The following PHACTR1 variants were observed in gnomAD, a reference collection of about 807,000 sequenced individuals.
PHACTR1 encodes phosphatase and actin regulator 1.
Under a neutral mutation model 69.2 loss-of-function variants are expected in PHACTR1, and 16 were observed. That is an observed-to-expected ratio of 0.23 (90% CI 0.16 to 0.35). The LOEUF (loss-of-function observed/expected upper bound fraction) is 0.35. Ranked by LOEUF, PHACTR1 falls within the 10% of genes least tolerant of loss-of-function variation. The pLI is 1.00. For synonymous variants in PHACTR1, 312 were observed against 284.5 expected, an observed-to-expected ratio of 1.10 and a Z score of -0.97; for missense variants, 510 against 734.7, an observed-to-expected ratio of 0.69 and a Z score of 3.54.
chr6:12,864,941 G>A (rs574155441), intron 4 of PHACTR1, among the ~76,000 whole-genome samples: 8 of 151,962 alleles, frequency 5.3e-5, no homozygotes, highest in Admixed American at 4.6e-4. Flanking sequence ...GGCCCTAATC[G>A]ACTGTTCTTC....
intron 11 of PHACTR1, 130 bp from the exon 12 acceptor site, chr6:13,278,138 G>A (rs769447322): frequency 1.4e-5 from 11 of 776,158 alleles, no homozygotes; most frequent in Non-Finnish European, 2.0e-5. Context: ...AGCTGGGGGA[G>A]GGGACAGGAG....
chr6:12,771,832 C>A (rs977855862), intron 4 of PHACTR1, among the ~76,000 whole-genome samples: 1 of 152,126 alleles, frequency 6.6e-6, no homozygotes, highest in Non-Finnish European at 1.5e-5. Context: ...GCCACTACAA[C>A]TCTGGGGAGG....
intron 4 of PHACTR1, among the ~76,000 whole-genome samples, chr6:12,801,658 G>A (rs1312959519): frequency 6.6e-6 from 1 of 152,186 alleles, no homozygotes; most frequent in African/African-American, 2.4e-5. Flanking sequence ...TTTTAAAGCT[G>A]TAAGGCATCT....
At position 13,160,174 on chromosome 6, in the gene PHACTR1, T is replaced by C. The variant is rs375335933; in HGVS notation, c.416-30T>C. 796 of 1,595,178 alleles carry C rather than the reference T, an allele frequency of 5.0e-4. 8 individuals carry two copies. In the South Asian group the frequency reaches 5.5e-3, roughly 11 times the overall value. ...AAGACAACTTTGTTACCTACTCACA[T>C]CTGCCTCCCTGTTTGTCTTTTGTTT... is the stretch of plus-strand genomic sequence containing the variant. On this transcript the variant is annotated intron_variant, in intron 5 of 14. Transcript: ENST00000332995.
intron 8 of PHACTR1, among the ~76,000 whole-genome samples, chr6:13,216,252 T>G (rs186610681): frequency 3.1e-4 from 47 of 152,382 alleles, no homozygotes; most frequent in African/African-American, 1.0e-3. Flanking sequence ...CAATTACTTT[T>G]CTTCATGTTG....
At chr6:12,946,854 T>A (rs1254009110) in intron 4 of PHACTR1, among the ~76,000 whole-genome samples, 1 of 130,134 alleles carries the variant, frequency 7.7e-6, no homozygotes, top group Non-Finnish European at 1.6e-5. Flanking sequence ...GCTCTGTCGC[T>A]CAGGCTGGAG....
intron 6 of PHACTR1, among the ~76,000 whole-genome samples, chr6:13,178,436 G>A (rs60384263): frequency 0.12 from 18,734 of 152,254 alleles, 1,446 homozygotes; most frequent in East Asian, 0.23. Context: ...TTTTCTCAAA[G>A]CGTGGTACCC....
chr6:13,228,605 T>C (rs1251127198), intron 9 of PHACTR1, among the ~76,000 whole-genome samples: 1 of 152,234 alleles, frequency 6.6e-6, no homozygotes, highest in African/African-American at 2.4e-5. Context: ...TTTAGTTACG[T>C]GAGTACAGCC....
intron 4 of PHACTR1, among the ~76,000 whole-genome samples, chr6:12,848,105 C>G (rs1208719190): frequency 1.3e-5 from 2 of 152,034 alleles, no homozygotes; most frequent in Admixed American, 1.3e-4. Flanking sequence ...CAAATATTAT[C>G]CTTGATGCCA....
chr6:12,914,041 T>A (rs961283826), intron 4 of PHACTR1, among the ~76,000 whole-genome samples: 7 of 152,196 alleles, frequency 4.6e-5, no homozygotes, highest in African/African-American at 1.7e-4. Flanking sequence ...CAATTTCAGC[T>A]TACTGCTACC....
chr6:12,812,665 C>T (rs569904795), intron 4 of PHACTR1, among the ~76,000 whole-genome samples: 15 of 152,326 alleles, frequency 9.8e-5, no homozygotes, highest in African/African-American at 2.6e-4. Flanking sequence ...TACTTCCCAT[C>T]GTCATGCCTT....
intron 4 of PHACTR1, among the ~76,000 whole-genome samples, chr6:12,867,790 T>G (rs1450584962): frequency 6.7e-6 from 1 of 148,694 alleles, no homozygotes; most frequent in Admixed American, 6.8e-5. Context: ...TTCCTCCTTT[T>G]GTTCCTTGCA....
chr6:12,864,153 C>T (rs1247325158), intron 4 of PHACTR1, among the ~76,000 whole-genome samples: 1 of 152,136 alleles, frequency 6.6e-6, no homozygotes, highest in Admixed American at 6.5e-5. Context: ...GTGTCAATCA[C>T]AAATAAGGAA....
intron 4 of PHACTR1, among the ~76,000 whole-genome samples, chr6:12,897,558 G>A (rs942736778): frequency 3.3e-5 from 5 of 151,960 alleles, no homozygotes; most frequent in African/African-American, 4.8e-5. Context: ...CACAGACTTC[G>A]CCTAATTTAT....
intron 4 of PHACTR1, among the ~76,000 whole-genome samples, chr6:12,884,843 ACAC>A (rs1360267554): frequency 1.3e-5 from 2 of 152,178 alleles, no homozygotes; most frequent in African/African-American, 4.8e-5. Context: ...ACATACACAC[ACAC>A]AAATCCTTGC....
In PHACTR1 at chr6:13,188,531, G is replaced by A. The variant is rs1034066337; in HGVS notation, c.664+5845G>A. ...AGCGTGATTAATGGGGAGTGACAGT[G>A]GCTAATGGTCTGGTAGAATGCTGGA... On this transcript the variant is annotated intron_variant, in intron 7 of 14. Transcript: ENST00000332995. Among the ~76,000 whole-genome samples the A allele has an allele frequency of 8.5e-5, 13 of 152,320 alleles. No individual in the cohort carries two copies. In the East Asian group the frequency reaches 9.6e-4, roughly 11 times the overall value.
rs563787129 is a variant in PHACTR1, at chr6:12,968,182, C to CT, written c.251-85181dup. Among the ~76,000 whole-genome samples the CT allele has an allele frequency of 7.9e-5, 12 of 152,326 alleles. No homozygotes were observed. The East Asian group carries it at 2.3e-3, about 29-fold the overall frequency. ...TGCCCTTCATGGAATCGCATGCCCGCTTCCCCCCACATTCCATTTGCTAAA... is the reference window on the plus strand; with the variant it reads ...TGCCCTTCATGGAATCGCATGCCCGCTTTCCCCCCACATTCCATTTGCTAAA... On this transcript the variant is annotated intron_variant, in intron 4 of 14. Transcript: ENST00000332995.
In PHACTR1 at chr6:12,718,678, AT is replaced by A. The variant is rs199901541; in HGVS notation, c.-46-12del. 3.4e-4 allele frequency: 260 copies of A among 753,910 alleles called. No individual in the cohort carries two copies. Among genetic ancestry groups the A allele is most frequent in the South Asian group, 1.0e-3 (42 of 41,786 alleles). The allele number at this position is 753,910 out of a possible 1,614,324, so 46.7% of individuals were successfully genotyped here. A position where few individuals can be genotyped will look rare whatever the true frequency, so the allele number is the denominator to read the frequency against. Reference sequence around the variant, plus strand: ...ATACTTGACGTCTAAAATATTGTGGATTTTTTTTTCCTCTTTATAGGTGTTC... The same window carrying A: ...ATACTTGACGTCTAAAATATTGTGGATTTTTTTTCCTCTTTATAGGTGTTC... On this transcript the variant is annotated intron_variant, in intron 2 of 14. Transcript: ENST00000332995.
At chr6:13,232,092 C>T (rs1367867731) in intron 10 of PHACTR1, among the ~76,000 whole-genome samples, 2 of 152,154 alleles carry the variant, frequency 1.3e-5, no homozygotes, top group Non-Finnish European at 2.9e-5. Flanking sequence ...TGTGTTTCTG[C>T]ATATGTAAAA....
Sources: allele counts gnomAD v4.1 joint callset (sites outside exome capture counted in the v4.1 genomes callset), GRCh38; gene constraint gnomAD v4.1.1; transcripts MANE v1.5; gene names NCBI Gene and HGNC (gene_info 2026-07-23, HGNC 2026-07-21).